CHD5: variants seen among roughly 807,000 people sequenced by gnomAD.
CHD5 encodes the protein ATP-dependent chromatin remodeler CHD5.
A neutral mutation model predicts 230.3 loss-of-function variants in CHD5; 69 were observed. The observed-to-expected ratio is 0.30, with a 90% CI of 0.25 to 0.37. CHD5 has a LOEUF of 0.37. CHD5 is among the 10% of genes least tolerant of loss of function. The probability of loss-of-function intolerance (pLI) is 1.00; values close to 1 mark genes in which losing one functional copy is unlikely to be tolerated. For missense variants in CHD5, 1,827 were observed against 2,622.8 expected (o/e 0.70, Z 6.63); for synonymous variants, 1,064 against 1,065.9 (o/e 1.00, Z 0.03).
rs185664891 is a variant in CHD5 at position 6,130,113 on chromosome 1, G to A, written c.3387+91C>T. ...CCACAGCACCAGGATAGGTGAGGGGGTGATGGCAAGAAGGGCATGAAGGAC... is the reference window on the plus strand; with the variant it reads ...CCACAGCACCAGGATAGGTGAGGGGATGATGGCAAGAAGGGCATGAAGGAC... On this transcript the variant is annotated intron_variant, in intron 22 of 41. Coordinates refer to ENST00000262450, the MANE Select transcript of CHD5 (RefSeq NM_015557.3). The surrounding 1 kb of genome is among the most constrained non-coding windows in gnomAD (Gnocchi z 4.9). The A allele has an allele frequency of 6.1e-3, 8,884 of 1,454,572 alleles. 41 individuals carry two copies. Among genetic ancestry groups the A allele is most frequent in the Non-Finnish European group, 7.6e-3 (7,958 of 1,050,720 alleles). The allele number at this position is 1,454,572 out of a possible 1,614,324, so 90.1% of individuals were successfully genotyped here.
In CHD5 at chr1:6,131,625, G is replaced by C; in HGVS notation, c.3262+6C>G. 6.5e-7 allele frequency: 1 copy of C among 1,533,904 alleles called. No individual in the cohort carries two copies. The highest frequency in any genetic ancestry group is 9.0e-7 in the Non-Finnish European group (1 of 1,107,054). The stretch of plus-strand genomic sequence containing the variant: ...CAATCAGAACCCTTGGGCAGGATGG[G>C]GGTACCATTGAATCTGTCGATTGCC... On this transcript the variant is annotated splice_donor_region_variant and intron_variant, in intron 21 of 41. Transcript: ENST00000262450. This position sits in a 1 kb window ranked among gnomAD's most constrained non-coding sequence, Gnocchi z 5.0.
chr1:6,143,985 C>G lies in CHD5; in HGVS notation c.1934+39G>C. The G allele has an allele frequency of 1.9e-6, 3 of 1,614,074 alleles. No homozygotes were observed. The African/African-American group carries it at 4.0e-5, about 22-fold the overall frequency. On this transcript the variant is annotated intron_variant, in intron 12 of 41. Transcript: ENST00000262450. ...CAAGGCTCAGCCCAGGAGCAGGTCC[C>G]GGCAGCCTGTGCCTAGCAGCCGGAT... is the stretch of plus-strand genomic sequence containing the variant.
intron 7 of CHD5, among the ~76,000 whole-genome samples, chr1:6,150,115 G>T (rs1181424511): frequency 6.6e-6 from 1 of 151,436 alleles, no homozygotes; most frequent in East Asian, 2.0e-4. Flanking sequence ...CAAAAGGATG[G>T]ATAGATGAAT....
Position 6,121,512 on chromosome 1 carries a change from C to A in CHD5, c.4761G>T (p.Arg1587Ser). Residue 1587 changes from arginine (R) to serine (S), a missense_variant, in exon 32 of 42, where the codon AGG becomes AGT. Arg to Ser is a moderately radical substitution (Grantham distance 110). Coordinates refer to ENST00000262450, the MANE Select transcript of CHD5 (RefSeq NM_015557.3). This position sits in a 1 kb window ranked among gnomAD's most constrained non-coding sequence, Gnocchi z 4.5. ...TCCACACCTGGACTTCCAGGGGCTG[C>A]CTTGGCTTCTGTGCCCCGGGGTCTT... The part of the protein sequence containing the change: ...DEKDPGAQKP[R>S]QPLEVQALPA... 6.2e-7 allele frequency: 1 copy of A among 1,612,546 alleles called. No homozygotes were observed. Among genetic ancestry groups the A allele is most frequent in the Non-Finnish European group, 8.5e-7 (1 of 1,179,344 alleles).
At chr1:6,150,879 G>T (rs1666995993) in intron 7 of CHD5, among the ~76,000 whole-genome samples, 153 bp downstream of exon 7, 1 of 152,160 alleles carries the variant, frequency 6.6e-6, no homozygotes, top group Non-Finnish European at 1.5e-5. Context: ...ACCTGGCTGA[G>T]ACATGAGGAT....
At position 6,128,331 on chromosome 1, in the gene CHD5, T is replaced by A. The variant is rs1666596686; in HGVS notation, c.3731-113A>T. The A allele has an allele frequency of 4.2e-6, 5 of 1,199,264 alleles. No individual in the cohort carries two copies. 74.3% of individuals were successfully genotyped at this position (1,199,264 alleles called of 1,614,324 possible). ...TCCCATCCCCAGCAGGGGCTGCAGCTGAGAGGCATGGTGACCAGACAGAGG... is the reference window on the plus strand; with the variant it reads ...TCCCATCCCCAGCAGGGGCTGCAGCAGAGAGGCATGGTGACCAGACAGAGG... On this transcript the variant is annotated intron_variant, in intron 24 of 41. Transcript: ENST00000262450. The surrounding 1 kb of genome is among the most constrained non-coding windows in gnomAD (Gnocchi z 7.8).
chr1:6,102,006 C>T lies in CHD5; in HGVS notation c.*3468G>A, dbSNP rs777328433. On this transcript the variant is annotated 3_prime_UTR_variant, in exon 42 of 42. Coordinates refer to ENST00000262450, the MANE Select transcript of CHD5 (RefSeq NM_015557.3). ...CTCCTGGCGCGCCTTGCACCCAGCCCAGGGCCCTCCCTTTGCCAGCCTGGG... is the reference window on the plus strand; with the variant it reads ...CTCCTGGCGCGCCTTGCACCCAGCCTAGGGCCCTCCCTTTGCCAGCCTGGG... 2.5e-6 allele frequency: 1 copy of T among 393,898 alleles called. No individual in the cohort carries two copies. The highest frequency in any genetic ancestry group is 1.3e-4 in the East Asian group (1 of 7,866). 24.4% of individuals were successfully genotyped at this position (393,898 alleles called of 1,614,324 possible). A position where few individuals can be genotyped will look rare whatever the true frequency, so the allele number is the denominator to read the frequency against.
intron 1 of CHD5, among the ~76,000 whole-genome samples, chr1:6,173,040 C>A (rs953730673): frequency 6.6e-6 from 1 of 151,888 alleles, no homozygotes; most frequent in Non-Finnish European, 1.5e-5. Context: ...GGCCGGCAAA[C>A]CTGCCAAGGA....
Position 6,142,619 on chromosome 1 carries a change from A to G in CHD5, c.2044-14T>C, listed in dbSNP as rs756799814. 2.5e-6 allele frequency: 4 copies of G among 1,604,324 alleles called. No individual in the cohort carries two copies. The East Asian group carries it at 8.9e-5, about 36-fold the overall frequency. ...CTTGACCGTGGGCTGCAGGGGAGGC[A>G]GCGGTTCAGACACGCCCCAGATCCT... On this transcript the variant is annotated splice_polypyrimidine_tract_variant and intron_variant, in intron 13 of 41. Transcript: ENST00000262450. This position sits in a 1 kb window ranked among gnomAD's most constrained non-coding sequence, Gnocchi z 5.2.
At position 6,125,140 on chromosome 1, in the gene CHD5, G is replaced by C; in HGVS notation, c.4354C>G (p.Leu1452Val). 1 of 1,605,332 alleles carries C rather than the reference G, an allele frequency of 6.2e-7. No homozygotes were observed. The highest frequency in any genetic ancestry group is 8.5e-7 in the Non-Finnish European group (1 of 1,176,148). Reference sequence around the variant, plus strand: ...CTCTTCCCTCGAAGGTCCCGCACCAGCCAGTGGGAGTTGAAGGCGTCCTGC... The same window carrying C: ...CTCTTCCCTCGAAGGTCCCGCACCACCCAGTGGGAGTTGAAGGCGTCCTGC... ...PPQDAFNSHW[L>V]VRDLRGKSEK... The change falls in exon 29 of 42, where the codon CTG becomes GTG. Residue 1452 changes from leucine to valine, a missense_variant. By Grantham distance (32) the Leu-to-Val change is conservative (BLOSUM62 1). Coordinates refer to ENST00000262450, the MANE Select transcript of CHD5 (RefSeq NM_015557.3). The surrounding 1 kb of genome is among the most constrained non-coding windows in gnomAD (Gnocchi z 6.7).
rs1369483051 is a variant in CHD5, at chr1:6,125,514, C to G, written c.4260+10G>C. 3 of 1,569,038 alleles carry G rather than the reference C, an allele frequency of 1.9e-6. No homozygotes were observed. In the Admixed American group the frequency reaches 5.6e-5, roughly 29 times the overall value. On this transcript the variant is annotated intron_variant, in intron 28 of 41. Coordinates refer to ENST00000262450, the MANE Select transcript of CHD5 (RefSeq NM_015557.3). This position sits in a 1 kb window ranked among gnomAD's most constrained non-coding sequence, Gnocchi z 6.7. ...GGGCAGAAAGAGATGCGGGAACAGA[C>G]AGGCCCCACCTCGATGTTGCCACCA... is the stretch of plus-strand genomic sequence containing the variant.
intron 1 of CHD5, among the ~76,000 whole-genome samples, chr1:6,174,972 A>AGGAT (rs147487852): frequency 2.9e-4 from 25 of 85,346 alleles, no homozygotes; most frequent in African/African-American, 1.7e-3. Flanking sequence ...TGGTGGATGA[A>AGGAT]GGATGGATGG....
intron 13 of CHD5, among the ~76,000 whole-genome samples, chr1:6,143,106 G>A (rs900171877): frequency 1.3e-5 from 2 of 151,690 alleles, no homozygotes; most frequent in Admixed American, 6.6e-5. Flanking sequence ...AGGCTGGAGT[G>A]CAGTGGCACA....
chr1:6,168,253 G>C lies in CHD5; in HGVS notation c.104C>G (p.Ala35Gly), dbSNP rs377478068. 763 of 1,606,404 alleles carry C rather than the reference G, an allele frequency of 4.7e-4. 10 individuals carry two copies. In the South Asian group the frequency reaches 7.8e-3, roughly 16 times the overall value. ...CTCCACAGGGAAAAAGTCATCGAAG[G>C]CTTCAAGACCACCATCTTCTTCTTC... ...MSEEEDGGLE[A>G]FDDFFPVEPV... is the part of the protein sequence containing the mutation. Residue 35 changes from alanine (A) to glycine (G), a missense_variant, in exon 2 of 42, where the codon GCC (alanine) becomes GGC (glycine). Coordinates refer to ENST00000262450, the MANE Select transcript of CHD5 (RefSeq NM_015557.3).
At position 6,143,796 on chromosome 1, in the gene CHD5, CACTGCTG is replaced by C; in HGVS notation, c.2043+20_2043+26del. ...GTGGGCAGGCCCTGGCAACCCCACC[CACTGCTG>C]CCCCACCCTCCCCACTCACGTCCAC... On this transcript the variant is annotated intron_variant, in intron 13 of 41. Transcript: ENST00000262450. 1 of 1,461,308 alleles carries C rather than the reference CACTGCTG, an allele frequency of 6.8e-7. No homozygotes were observed. The highest frequency in any genetic ancestry group is 9.6e-7 in the Non-Finnish European group (1 of 1,045,608). The allele number at this position is 1,461,308 out of a possible 1,614,324, so 90.5% of individuals were successfully genotyped here. A position where few individuals can be genotyped will look rare whatever the true frequency, so the allele number is the denominator to read the frequency against.
intron 13 of CHD5, among the ~76,000 whole-genome samples, chr1:6,143,437 C>T (rs1355349989): frequency 1.3e-5 from 2 of 152,168 alleles, no homozygotes; most frequent in African/African-American, 2.4e-5. Context: ...CTGATAGTCC[C>T]AGGCCAGGCC....
Position 6,126,852 on chromosome 1 carries a change from GATTAATGGGATGGCCTGC to G in CHD5, c.3904-124_3904-107del. Reference sequence around the variant, plus strand: ...GCCCTTTGCCCCCTCAGGGCTCAAGGATTAATGGGATGGCCTGCCTACTCCAGGAAGCCTTCTCTGATC... The same window carrying G: ...GCCCTTTGCCCCCTCAGGGCTCAAGGCTACTCCAGGAAGCCTTCTCTGATC... On this transcript the variant is annotated intron_variant, in intron 25 of 41. Transcript: ENST00000262450. The surrounding 1 kb of genome is among the most constrained non-coding windows in gnomAD (Gnocchi z 5.7). 1 of 996,966 alleles carries G rather than the reference GATTAATGGGATGGCCTGC, an allele frequency of 1.0e-6. No individual in the cohort carries two copies. The highest frequency in any genetic ancestry group is 1.6e-5 in the South Asian group (1 of 62,818). 61.8% of individuals were successfully genotyped at this position (996,966 alleles called of 1,614,324 possible).
intron 20 of CHD5, among the ~76,000 whole-genome samples, chr1:6,132,231 G>A (rs1375918757): frequency 6.6e-6 from 1 of 152,042 alleles, no homozygotes; most frequent in African/African-American, 2.4e-5. Flanking sequence ...CCATGACCCC[G>A]TATAATTCCC....
At chr1:6,166,875 T>C (rs1326625282) in intron 2 of CHD5, among the ~76,000 whole-genome samples, 1 of 152,108 alleles carries the variant, frequency 6.6e-6, no homozygotes, top group East Asian at 1.9e-4. Flanking sequence ...TCTCACCTTG[T>C]TCACGGGACA....
Sources: gnomAD v4.1 joint callset for allele counts (sites outside exome capture counted in the v4.1 genomes callset) on GRCh38, gnomAD v4.1.1 for gene constraint, Gnocchi (gnomAD v3.1) non-coding constraint, MANE v1.5 for transcripts, NCBI Gene and HGNC (gene_info 2026-07-23, HGNC 2026-07-21) for gene names.